ADGRV1: variants seen among roughly 807,000 people sequenced by gnomAD.
ADGRV1 encodes adhesion G protein-coupled receptor V1.
In ADGRV1, 359 loss-of-function variants were observed where a neutral mutation model predicts 596.2. The ratio of observed to expected loss-of-function variants is 0.60; its 90% CI spans 0.55 to 0.66. The LOEUF (loss-of-function observed/expected upper bound fraction) is 0.66, where lower values mean the gene tolerates loss of function less well. Among genes scored for constraint, ADGRV1 ranks in the 30% least tolerant of loss-of-function variants. The pLI is 0.00. For missense variants in ADGRV1, 7,274 were observed against 7,575.6 expected, an observed-to-expected ratio of 0.96 and a Z score of 1.48; for synonymous variants, 2,681 against 2,679.2, an observed-to-expected ratio of 1.00 and a Z score of -0.02.
intron 1 of ADGRV1, among the ~76,000 whole-genome samples, chr5:90,600,299 C>G (rs1031780372): frequency 2.6e-5 from 4 of 152,224 alleles, no homozygotes; most frequent in African/African-American, 9.6e-5. Flanking sequence ...TGCTATCCCT[C>G]CCCCTTCCCC....
intron 86 of ADGRV1, among the ~76,000 whole-genome samples, chr5:91,088,464 G>A (rs1169434041): frequency 6.6e-6 from 1 of 152,120 alleles, no homozygotes; most frequent in Admixed American, 6.5e-5. Flanking sequence ...CAAGAATGTA[G>A]CAAGATCTGC....
At position 90,627,320 on chromosome 5, in the gene ADGRV1, G is replaced by T. The variant is rs1256707902; in HGVS notation, c.782G>T (p.Ser261Ile). ...GAGATCATCATTAAGAAAAATGATA[G>T]TCCCGTGAGATTCCTTCAGAGTATT... ...SIEIIIKKND[S>I]PVRFLQSIYL... The change falls in exon 7 of 90, where the codon AGT becomes ATT. Residue 261 changes from serine to isoleucine, a missense_variant. Ser to Ile is a moderately radical substitution (Grantham distance 142, BLOSUM62 -2). Coordinates refer to ENST00000405460, the MANE Select transcript of ADGRV1 (RefSeq NM_032119.4). The T allele has an allele frequency of 3.1e-6, 5 of 1,613,196 alleles. No individual in the cohort carries two copies. The highest frequency in any genetic ancestry group is 2.2e-5 in the East Asian group (1 of 44,854).
chr5:90,767,268 A>T (rs991723576), intron 59 of ADGRV1, among the ~76,000 whole-genome samples: 1 of 152,204 alleles, frequency 6.6e-6, no homozygotes, highest in Non-Finnish European at 1.5e-5. Flanking sequence ...CAGTCGTTTT[A>T]TAGTTTTTGC....
At chr5:90,609,126 C>A (rs1206647382) in intron 1 of ADGRV1, among the ~76,000 whole-genome samples, 1 of 151,998 alleles carries the variant, frequency 6.6e-6, no homozygotes, top group Non-Finnish European at 1.5e-5. Flanking sequence ...ACATATATTT[C>A]TGTATATATG....
chr5:90,971,355 C>T (rs577682940), intron 84 of ADGRV1, among the ~76,000 whole-genome samples: 7 of 152,096 alleles, frequency 4.6e-5, no homozygotes, highest in Non-Finnish European at 1.0e-4. Context: ...GAGAATGCCA[C>T]AAAGATATTC....
intron 83 of ADGRV1, among the ~76,000 whole-genome samples, chr5:90,964,023 C>G (rs1350569402): frequency 6.6e-6 from 1 of 151,864 alleles, no homozygotes; most frequent in African/African-American, 2.4e-5. Flanking sequence ...ATTTTGGGAA[C>G]ATGCAAAGCC....
At chr5:90,857,289 A>G (rs553436070) in intron 82 of ADGRV1, among the ~76,000 whole-genome samples, 3 of 152,256 alleles carry the variant, frequency 2.0e-5, no homozygotes, top group South Asian at 2.1e-4. Flanking sequence ...TATAATGTTG[A>G]AATACAATCT....
Position 90,840,515 on chromosome 5 carries a change from A to C in ADGRV1, c.16612-63A>C, listed in dbSNP as rs1004963232. 1.4e-5 allele frequency: 19 copies of C among 1,373,972 alleles called. No individual in the cohort carries two copies. The Admixed American group carries it at 4.5e-4, about 32-fold the overall frequency. The allele number at this position is 1,373,972 out of a possible 1,614,324, so 85.1% of individuals were successfully genotyped here. A position where few individuals can be genotyped will look rare whatever the true frequency, so the allele number is the denominator to read the frequency against. ...AATTGAATTTGTTTAAGAAACAAGA[A>C]TTTGTTTAGGACAAGATCAGAGGTG... On this transcript the variant is annotated intron_variant, in intron 77 of 89. Coordinates refer to ENST00000405460, the MANE Select transcript of ADGRV1 (RefSeq NM_032119.4).
chr5:91,040,604 G>C (rs1370818591), intron 85 of ADGRV1, among the ~76,000 whole-genome samples: 1 of 152,156 alleles, frequency 6.6e-6, no homozygotes, highest in South Asian at 2.1e-4. Flanking sequence ...TACATACATG[G>C]CATCATACAT....
intron 41 of ADGRV1, among the ~76,000 whole-genome samples, chr5:90,711,939 T>C (rs1299654829): frequency 6.6e-6 from 1 of 151,698 alleles, no homozygotes. Flanking sequence ...ACCATGCTAA[T>C]TTTTTTTGTA....
intron 85 of ADGRV1, among the ~76,000 whole-genome samples, chr5:91,038,801 A>G (rs1047885901): frequency 2.6e-5 from 4 of 152,128 alleles, no homozygotes; most frequent in Non-Finnish European, 5.9e-5. Context: ...GAGATGTCAC[A>G]CTCACCTCAA....
intron 21 of ADGRV1, among the ~76,000 whole-genome samples, chr5:90,663,615 A>C (rs145908901): frequency 0.02 from 3,062 of 152,198 alleles, 97 homozygotes; most frequent in African/African-American, 0.07. Context: ...TCTTGAGTTT[A>C]ATTAGGTCCC....
At chr5:90,846,154 C>G (rs1010063368) in intron 78 of ADGRV1, among the ~76,000 whole-genome samples, 2 of 151,972 alleles carry the variant, frequency 1.3e-5, no homozygotes, top group Non-Finnish European at 2.9e-5. Flanking sequence ...GTCATAAGTT[C>G]ACTGATAAAG....
At chr5:91,071,854 T>A (rs966918070) in intron 85 of ADGRV1, among the ~76,000 whole-genome samples, 12 of 152,064 alleles carry the variant, frequency 7.9e-5, no homozygotes, top group Non-Finnish European at 1.3e-4. Context: ...TTTTTGTATT[T>A]TTAGTAGAGA....
Position 90,694,398 on chromosome 5 carries a change from A to G in ADGRV1, c.7642A>G (p.Met2548Val). 1 of 1,614,004 alleles carries G rather than the reference A, an allele frequency of 6.2e-7. No homozygotes were observed. Among genetic ancestry groups the G allele is most frequent in the Non-Finnish European group, 8.5e-7 (1 of 1,179,872 alleles). Reference sequence around the variant, plus strand: ...AATTTCTCTCCTTGAAGTTCACCTCATGAACATTTCAGCCAGTTTGAAAAA... The same window carrying G: ...AATTTCTCTCCTTGAAGTTCACCTCGTGAACATTTCAGCCAGTTTGAAAAA... ...FLISLLEVHL[M>V]NISASLKNQP... Residue 2548 changes from methionine to valine, a missense_variant, in exon 33 of 90, where the codon ATG becomes GTG. Physicochemically the swap from Met to Val is conservative, Grantham distance 21 (BLOSUM62 1). Coordinates refer to ENST00000405460, the MANE Select transcript of ADGRV1 (RefSeq NM_032119.4).
At chr5:90,906,687 T>C (rs191410080) in intron 83 of ADGRV1, among the ~76,000 whole-genome samples, 1 of 152,174 alleles carries the variant, frequency 6.6e-6, no homozygotes, top group Non-Finnish European at 1.5e-5. Flanking sequence ...ACCAACTCTT[T>C]GTTTCACTGA....
At chr5:91,157,002 C>A (rs562858682) in intron 89 of ADGRV1, among the ~76,000 whole-genome samples, 1 of 152,220 alleles carries the variant, frequency 6.6e-6, no homozygotes, top group African/African-American at 2.4e-5. Flanking sequence ...TCTTTGAAGT[C>A]GAGCACAGCG....
At chr5:90,652,930 C>T (rs776451033) in intron 19 of ADGRV1, among the ~76,000 whole-genome samples, 36 of 152,236 alleles carry the variant, frequency 2.4e-4, no homozygotes, top group African/African-American at 7.0e-4. Context: ...AATCAATTTT[C>T]GCATCACTTT....
chr5:90,748,925 T>A (rs1754947936), intron 52 of ADGRV1, among the ~76,000 whole-genome samples: 2 of 151,460 alleles, frequency 1.3e-5, no homozygotes, highest in South Asian at 4.2e-4. Context: ...CATTAGGGGC[T>A]TAGGATGAAC....
Sources: allele counts gnomAD v4.1 joint callset (sites outside exome capture counted in the v4.1 genomes callset), GRCh38; gene constraint gnomAD v4.1.1; transcripts MANE v1.5; gene names NCBI Gene and HGNC (gene_info 2026-07-23, HGNC 2026-07-21).